The following ECPAS variants were observed in gnomAD, a reference collection of about 807,000 sequenced individuals.
The protein encoded by ECPAS is proteasome adapter and scaffold protein ECM29.
In ECPAS, 70 loss-of-function variants were observed where a neutral mutation model predicts 255.1. The observed-to-expected ratio is 0.27, with a 90% CI of 0.23 to 0.33. ECPAS has a LOEUF of 0.33. Ranked by LOEUF, ECPAS falls within the 10% of genes least tolerant of loss-of-function variation. ECPAS has a pLI of 1.00. For missense variants in ECPAS, 1,817 were observed against 2,206.4 expected, an observed-to-expected ratio of 0.82 and a Z score of 3.54; for synonymous variants, 784 against 775.0, an observed-to-expected ratio of 1.01 and a Z score of -0.19.
At chr9:111,454,870 A>AT (rs1365119547) in intron 2 of ECPAS, among the ~76,000 whole-genome samples, 2 of 151,984 alleles carry the variant, frequency 1.3e-5, no homozygotes, top group South Asian at 2.1e-4. Flanking sequence ...CACCCAGCTG[A>AT]TTTTTTTATT....
Position 111,382,366 on chromosome 9 carries a change from G to T in ECPAS, c.3803+845C>A, listed in dbSNP as rs1448151789. Among the ~76,000 whole-genome samples the T allele has an allele frequency of 6.0e-5, 9 of 148,826 alleles. No homozygotes were observed. In the Middle Eastern group the frequency reaches 0.014, roughly 236 times the overall value. On this transcript the variant is annotated intron_variant, in intron 35 of 49. Transcript: ENST00000684092. ...CGCAACCTCCGCCTCCTGGGTTCAA[G>T]CGACTCTCCTGCCTCAGCCTCCCAA...
chr9:111,388,717 G>T (rs1406296070), intron 31 of ECPAS, among the ~76,000 whole-genome samples: 2 of 152,172 alleles, frequency 1.3e-5, no homozygotes, highest in Non-Finnish European at 2.9e-5. Flanking sequence ...ATTAGGGAAA[G>T]AAGAGAGTAG....
intron 3 of ECPAS, among the ~76,000 whole-genome samples, chr9:111,449,348 T>G (rs1184258672): frequency 6.6e-6 from 1 of 152,080 alleles, no homozygotes; most frequent in Non-Finnish European, 1.5e-5. Context: ...GAAACAAGAA[T>G]AGAATTTCCC....
chr9:111,403,191 G>GGA (rs1554785120), intron 24 of ECPAS, among the ~76,000 whole-genome samples: 7 of 120,864 alleles, frequency 5.8e-5, no homozygotes, highest in Non-Finnish European at 1.0e-4. Flanking sequence ...CATCTCTACT[G>GGA]AAAAAAAAAA....
At chr9:111,407,208 C>G (rs1294816078) in intron 24 of ECPAS, among the ~76,000 whole-genome samples, 1 of 146,640 alleles carries the variant, frequency 6.8e-6, no homozygotes, top group Non-Finnish European at 1.5e-5. Context: ...TCAAGACCAG[C>G]CTGGTCAACA....
At chr9:111,378,310 G>A (rs1346194559) in intron 36 of ECPAS, among the ~76,000 whole-genome samples, 2 of 152,158 alleles carry the variant, frequency 1.3e-5, no homozygotes. Flanking sequence ...TGAAGGTATA[G>A]ATCCAAGCCC....
Position 111,375,151 on chromosome 9 carries a change from A to G in ECPAS, c.4072T>C (p.Cys1358Arg). 1.9e-6 allele frequency: 3 copies of G among 1,613,780 alleles called. No individual in the cohort carries two copies. The highest frequency in any genetic ancestry group is 1.7e-4 in the Middle Eastern group (1 of 6,060). ...SVLGELVPRLCELIRSGVGLG... is the reference protein window; with the variant it reads ...SVLGELVPRLRELIRSGVGLG... ...CCTACACCACTTCTGATCAGTTCAC[A>G]CAACCTAGGAACTAGCTCGCCCAGC... is the stretch of plus-strand genomic sequence containing the variant. Residue 1358 changes from cysteine (C) to arginine (R), a missense_variant, in exon 38 of 50, where the codon TGT becomes CGT. Physicochemically the swap from Cys to Arg is radical, Grantham distance 180 (BLOSUM62 -3). Around this residue, in one of 4 missense-constraint regions of ECPAS, gnomAD observed 960 missense variants for 1,179.0 expected, o/e 0.81. Transcript: ENST00000684092.
intron 15 of ECPAS, among the ~76,000 whole-genome samples, chr9:111,420,332 ATTAC>A (rs1167430224): frequency 6.6e-6 from 1 of 152,186 alleles, no homozygotes; most frequent in African/African-American, 2.4e-5. Flanking sequence ...GGATGGTGGC[ATTAC>A]TTAAAGAGTA....
chr9:111,385,508 T>C (rs1313618835), intron 32 of ECPAS, 66 bp from the exon 33 acceptor site: 2 of 904,348 alleles, frequency 2.2e-6, no homozygotes, highest in Non-Finnish European at 3.4e-6. Context: ...GAAACATTTA[T>C]ACTAAAAAAG....
chr9:111,413,900 T>A lies in ECPAS; in HGVS notation c.2074A>T (p.Ile692Leu). Residue 692 changes from isoleucine (I) to leucine (L), a missense_variant, in exon 20 of 50, where the codon ATA becomes TTA. By Grantham distance (5) the Ile-to-Leu change is conservative (BLOSUM62 2). Coordinates refer to ENST00000684092, the MANE Select transcript of ECPAS (RefSeq NM_001364929.1). The stretch of plus-strand genomic sequence containing the variant: ...AAGGTACATGCAGAACATACCTTTA[T>A]CCATTCTGTTTTGTCTACAAATTTG... ...ATKFVDKTEW[I>L]KSLMNNSKEE... 3 of 1,562,554 alleles carry A rather than the reference T, an allele frequency of 1.9e-6. No individual in the cohort carries two copies. Among genetic ancestry groups the A allele is most frequent in the Non-Finnish European group, 2.6e-6 (3 of 1,148,656 alleles).
intron 24 of ECPAS, 36 bp from the exon 25 acceptor site, chr9:111,397,189 A>C: frequency 6.2e-7 from 1 of 1,607,424 alleles, no homozygotes; most frequent in Non-Finnish European, 8.5e-7. Flanking sequence ...GAATGAGAAA[A>C]CACATTTCCC....
At chr9:111,365,302 TCA>T (rs2098118978) in intron 48 of ECPAS, among the ~76,000 whole-genome samples, 1 of 149,776 alleles carries the variant, frequency 6.7e-6, no homozygotes, top group Non-Finnish European at 1.5e-5. Context: ...ATCATCATCA[TCA>T]TCATCATCAT....
At chr9:111,470,553 G>A (rs1276473935) in intron 2 of ECPAS, among the ~76,000 whole-genome samples, 7 of 151,878 alleles carry the variant, frequency 4.6e-5, no homozygotes, top group East Asian at 1.9e-4. Flanking sequence ...CTCGTGATCC[G>A]CCCGCCTCGG....
intron 35 of ECPAS, among the ~76,000 whole-genome samples, chr9:111,381,137 T>C (rs1246953304): frequency 6.6e-6 from 1 of 152,232 alleles, no homozygotes; most frequent in South Asian, 2.1e-4. Flanking sequence ...TTTCATGACA[T>C]CCCTTCCTCA....
At chr9:111,404,245 G>T (rs1484797284) in intron 24 of ECPAS, among the ~76,000 whole-genome samples, 2 of 148,976 alleles carry the variant, frequency 1.3e-5, no homozygotes, top group Admixed American at 1.3e-4. Flanking sequence ...ATTAATAAAG[G>T]AAAGAAATAA....
chr9:111,436,548 T>C (rs2098238409), intron 7 of ECPAS, among the ~76,000 whole-genome samples: 1 of 152,106 alleles, frequency 6.6e-6, no homozygotes, highest in Admixed American at 6.5e-5. Context: ...CCTTAAAAGT[T>C]GAATAATGTA....
chr9:111,451,665 C>T lies in ECPAS; in HGVS notation c.23-110G>A, dbSNP rs1477440232. The T allele has an allele frequency of 4.0e-6, 4 of 1,006,654 alleles. No individual in the cohort carries two copies. The East Asian group carries it at 1.1e-4, about 27-fold the overall frequency. 62.4% of individuals were successfully genotyped at this position (1,006,654 alleles called of 1,614,324 possible). On this transcript the variant is annotated intron_variant, in intron 2 of 49. Coordinates refer to ENST00000684092, the MANE Select transcript of ECPAS (RefSeq NM_001364929.1). ...CTGTACTGCAATCCTTCAGTCAGGA[C>T]TTTAACCACAGCTAGCCCTATACAG...
chr9:111,450,287 G>C (rs1030668138), intron 3 of ECPAS, among the ~76,000 whole-genome samples: 1 of 152,098 alleles, frequency 6.6e-6, no homozygotes, highest in Non-Finnish European at 1.5e-5. Context: ...GCCACAGAAG[G>C]GTTTTAAATA....
At chr9:111,460,911 T>TA (rs2098272338) in intron 2 of ECPAS, among the ~76,000 whole-genome samples, 1 of 152,104 alleles carries the variant, frequency 6.6e-6, no homozygotes, top group Non-Finnish European at 1.5e-5. Flanking sequence ...TGGGTAACAC[T>TA]AAAAAGCTGA....
Sources: allele counts gnomAD v4.1 joint callset (sites outside exome capture counted in the v4.1 genomes callset), GRCh38; gene constraint gnomAD v4.1.1; regional missense constraint gnomAD v4.1.1; transcripts MANE v1.5; gene names NCBI Gene and HGNC (gene_info 2026-07-23, HGNC 2026-07-21).